Variants in CCDC97 observed in about 807,000 individuals in gnomAD.
CCDC97 encodes the protein coiled-coil domain-containing protein 97.
A neutral mutation model predicts 33.9 loss-of-function variants in CCDC97; 27 were observed. The observed-to-expected ratio is 0.80, with a 90% confidence interval of 0.59 to 1.10. CCDC97 has a LOEUF of 1.10. CCDC97 is among the 50% of genes least tolerant of loss of function. The pLI is 0.00. For synonymous variants in CCDC97, 217 were observed against 194.0 expected (o/e 1.12, Z -0.99); for missense variants, 422 against 476.6 (o/e 0.89, Z 1.07).
chr19:41,312,978 G>T (rs1314456437), intron 1 of CCDC97, among the ~76,000 whole-genome samples: 1 of 152,020 alleles, frequency 6.6e-6, no homozygotes, highest in Non-Finnish European at 1.5e-5. Context: ...CGCCATGTTG[G>T]CCAAGCTGGT....
intron 1 of CCDC97, chr19:41,311,143 T>G: frequency 6.5e-6 from 1 of 152,774 alleles, no homozygotes; most frequent in Non-Finnish European, 1.5e-5. Flanking sequence ...TCCCAACACT[T>G]TGGGAGGCCA....
rs771258708 is a variant in CCDC97 at position 41,310,332 on chromosome 19, A to ACGGCGG, written c.25_30dup (p.Ala9_Ala10dup). 8.4e-5 allele frequency: 135 copies of ACGGCGG among 1,606,568 alleles called. No individual in the cohort carries two copies. The highest frequency in any genetic ancestry group is 1.1e-4 in the East Asian group (5 of 44,588). On this transcript the variant is annotated inframe_insertion, in exon 1 of 5. Coordinates refer to ENST00000269967, the MANE Select transcript of CCDC97 (RefSeq NM_052848.3). ...CAGGATGGAGGCCGTGGCGACGGCG[A>ACGGCGG]CGGCGGCGAAGGAACCCGATAAGGG...
Position 41,310,176 on chromosome 19 carries a change from C to A in CCDC97, c.-135C>A. 1.6e-6 allele frequency: 2 copies of A among 1,287,554 alleles called. No homozygotes were observed. The highest frequency in any genetic ancestry group is 2.2e-6 in the Non-Finnish European group (2 of 921,402). The allele number at this position is 1,287,554 out of a possible 1,614,324, so 79.8% of individuals were successfully genotyped here. On this transcript the variant is annotated 5_prime_UTR_variant, in exon 1 of 5. Transcript: ENST00000269967. ...GCGCAATGCAACGTCTGCCTTAGGC[C>A]CGGAACTTCGGTGCCTGGGCGCAGC...
chr19:41,311,907 GA>G (rs533310743), intron 1 of CCDC97, among the ~76,000 whole-genome samples: 2 of 151,930 alleles, frequency 1.3e-5, no homozygotes, highest in East Asian at 3.9e-4. Flanking sequence ...TCAAAAAAAA[GA>G]AAAAAAATTT....
Position 41,322,918 on chromosome 19 carries a change from A to T in CCDC97, c.*203A>T. The T allele has an allele frequency of 2.4e-6, 1 of 411,368 alleles. No homozygotes were observed. The highest frequency in any genetic ancestry group is 4.0e-5 in the South Asian group (1 of 24,860). The allele number at this position is 411,368 out of a possible 1,614,324, so 25.5% of individuals were successfully genotyped here. ...TGGGGTTCCCTTTCTCATCTCTCCC[A>T]CCCTGTCTCCTGCCTCTGTCTTTCT... On this transcript the variant is annotated 3_prime_UTR_variant, in exon 5 of 5. Coordinates refer to ENST00000269967, the MANE Select transcript of CCDC97 (RefSeq NM_052848.3).
At chr19:41,320,879 G>T (rs1315189599) in intron 4 of CCDC97, 6 of 185,842 alleles carry the variant, frequency 3.2e-5, no homozygotes, top group African/African-American at 1.2e-4. Context: ...GGCATGGAGG[G>T]GCCTGCACTG....
intron 1 of CCDC97, among the ~76,000 whole-genome samples, chr19:41,315,157 G>A (rs1159304282): frequency 6.7e-6 from 1 of 150,266 alleles, no homozygotes; most frequent in African/African-American, 2.5e-5. Flanking sequence ...AAAATTAGCC[G>A]GGCATGGTGG....
intron 2 of CCDC97, among the ~76,000 whole-genome samples, chr19:41,318,265 A>G (rs1033726459): frequency 6.6e-6 from 1 of 152,142 alleles, no homozygotes; most frequent in African/African-American, 2.4e-5. Context: ...CCTGGCCAAC[A>G]TGGTGAAACC....
At chr19:41,312,218 G>A (rs186355084) in intron 1 of CCDC97, among the ~76,000 whole-genome samples, 39 of 152,214 alleles carry the variant, frequency 2.6e-4, no homozygotes, top group South Asian at 1.9e-3. Context: ...CAAGTAGCTG[G>A]GATCACAGGT....
chr19:41,314,218 C>A (rs1159045126), intron 1 of CCDC97, among the ~76,000 whole-genome samples: 2 of 151,758 alleles, frequency 1.3e-5, no homozygotes, highest in African/African-American at 4.8e-5. Flanking sequence ...ACGATCTTGG[C>A]TCACCGCAAC....
chr19:41,320,741 T>G, intron 4 of CCDC97: 3 of 350,544 alleles, frequency 8.6e-6, no homozygotes, highest in Non-Finnish European at 1.6e-5. Context: ...CCTGAAACAC[T>G]TCCCTCCTGG....
Position 41,320,341 on chromosome 19 carries a change from A to T in CCDC97, c.782A>T (p.Asp261Val), listed in dbSNP as rs1320010029. Reference protein sequence around the residue: ...EEEEEDSDEEDQRSGKDSEAW... With the variant: ...EEEEEDSDEEVQRSGKDSEAW... ...CACCCCCTCTCCTCTCCCTCTGCAG[A>T]CCAGAGGTCAGGCAAGGACTCGGAG... Residue 261 changes from aspartate to valine, a missense_variant and splice_region_variant, in exon 4 of 5, where the codon GAC becomes GTC. Coordinates refer to ENST00000269967, the MANE Select transcript of CCDC97 (RefSeq NM_052848.3). The T allele has an allele frequency of 6.2e-7, 1 of 1,613,824 alleles. No homozygotes were observed. Among genetic ancestry groups the T allele is most frequent in the South Asian group, 1.1e-5 (1 of 91,064 alleles).
At position 41,316,574 on chromosome 19, in the gene CCDC97, C is replaced by T; in HGVS notation, c.237C>T (p.Ser79=). 6.2e-7 allele frequency: 1 copy of T among 1,614,270 alleles called. No homozygotes were observed. Among genetic ancestry groups the T allele is most frequent in the Non-Finnish European group, 8.5e-7 (1 of 1,180,048 alleles). The change falls in exon 2 of 5, where the codon AGC becomes AGT. Residue 79 remains serine, a synonymous_variant. Coordinates refer to ENST00000269967, the MANE Select transcript of CCDC97 (RefSeq NM_052848.3). Reference sequence around the variant, plus strand: ...CCGCCAGCCGCCTGCCTGTTTGCAGCCAGCAGCAGGGTGAACCCGACTTGA... The same window carrying T: ...CCGCCAGCCGCCTGCCTGTTTGCAGTCAGCAGCAGGGTGAACCCGACTTGA... ...AVAASRLPVC[S]QQQGEPDLTE... is the part of the protein sequence containing the mutation.
chr19:41,310,947 G>C (rs2037676184), intron 1 of CCDC97: 1 of 860,092 alleles, frequency 1.2e-6, no homozygotes, highest in Admixed American at 6.2e-5. Context: ...GATTGGAAGC[G>C]TGGCTCCAAC....
intron 2 of CCDC97, 68 bp downstream of exon 2, chr19:41,316,907 T>G: frequency 8.1e-7 from 1 of 1,229,994 alleles, no homozygotes; most frequent in East Asian, 2.4e-5. Flanking sequence ...CAGAGGGAAT[T>G]AGAGAAAAGA....
chr19:41,320,306 C>A, intron 3 of CCDC97, 35 bp from the exon 4 acceptor site: 2 of 1,611,866 alleles, frequency 1.2e-6, no homozygotes, highest in Non-Finnish European at 8.5e-7. Flanking sequence ...CCCGAGTGCA[C>A]CCGCATTCAC....
chr19:41,316,257 C>T (rs1191940128), intron 1 of CCDC97, 127 bp from the exon 2 acceptor site: 2 of 690,266 alleles, frequency 2.9e-6, no homozygotes, highest in East Asian at 5.5e-5. Flanking sequence ...ACTGTGGTTT[C>T]TCTAGTGCCC....
At position 41,322,848 on chromosome 19, in the gene CCDC97, A is replaced by T. The variant is rs371298760; in HGVS notation, c.*133A>T. 2.9e-5 allele frequency: 29 copies of T among 1,003,904 alleles called. No individual in the cohort carries two copies. Among genetic ancestry groups the T allele is most frequent in the African/African-American group, 2.6e-4 (16 of 61,356 alleles). 62.2% of individuals were successfully genotyped at this position (1,003,904 alleles called of 1,614,324 possible). ...CACAACCCACACACACCACCATCTC[A>T]CTGGGTCTAGTCTCATCTCAGACAA... On this transcript the variant is annotated 3_prime_UTR_variant, in exon 5 of 5. Coordinates refer to ENST00000269967, the MANE Select transcript of CCDC97 (RefSeq NM_052848.3).
In CCDC97 at chr19:41,310,303, G is replaced by T; in HGVS notation, c.-8G>T. On this transcript the variant is annotated 5_prime_UTR_variant, in exon 1 of 5. Transcript: ENST00000269967. ...CGCCGGGCGGTTGAAAAGTCCGAGA[G>T]AATCAGGATGGAGGCCGTGGCGACG... The T allele has an allele frequency of 1.9e-6, 3 of 1,601,186 alleles. No individual in the cohort carries two copies. Among genetic ancestry groups the T allele is most frequent in the Non-Finnish European group, 2.6e-6 (3 of 1,174,170 alleles).
Sources: allele counts gnomAD v4.1 joint callset (sites outside exome capture counted in the v4.1 genomes callset), GRCh38; gene constraint gnomAD v4.1.1; transcripts MANE v1.5; gene names NCBI Gene and HGNC (gene_info 2026-07-23, HGNC 2026-07-21).